SLC44A5: variants seen among roughly 807,000 people sequenced by gnomAD.
SLC44A5 encodes choline transporter-like protein 5.
A neutral mutation model predicts 101.8 loss-of-function variants in SLC44A5; 57 were observed. The ratio of observed to expected loss-of-function variants is 0.56; its 90% CI spans 0.45 to 0.70. The LOEUF (loss-of-function observed/expected upper bound fraction) is 0.70, where lower values mean the gene tolerates loss of function less well. Among genes scored for constraint, SLC44A5 ranks in the 30% least tolerant of loss-of-function variants. The pLI is 0.00. For synonymous variants in SLC44A5, 281 were observed against 290.9 expected, an observed-to-expected ratio of 0.97 and a Z score of 0.35; for missense variants, 737 against 853.1, an observed-to-expected ratio of 0.86 and a Z score of 1.70.
chr1:75,280,151 ATATATTATATATT>A (rs1194097873), intron 5 of SLC44A5, among the ~76,000 whole-genome samples: 9 of 48 alleles, frequency 0.19, 3 homozygotes, highest in African/African-American at 0.57. Flanking sequence ...TATATATTGT[ATATATTATATATT>A]GTATATATAA....
chr1:75,286,741 T>G (rs1653084601), intron 5 of SLC44A5, among the ~76,000 whole-genome samples: 1 of 152,060 alleles, frequency 6.6e-6, no homozygotes, highest in African/African-American at 2.4e-5. Flanking sequence ...TGAAACTTGG[T>G]TTTGCTGGTT....
At chr1:75,462,799 A>G (rs1936355) in intron 2 of SLC44A5, among the ~76,000 whole-genome samples, 1 of 151,814 alleles carries the variant, frequency 6.6e-6, no homozygotes, top group Non-Finnish European at 1.5e-5. Context: ...AGAAGAATGA[A>G]TTAGTGAGCT....
At chr1:75,354,584 G>C (rs1658932383) in intron 3 of SLC44A5, among the ~76,000 whole-genome samples, 1 of 152,152 alleles carries the variant, frequency 6.6e-6, no homozygotes, top group Admixed American at 6.5e-5. Flanking sequence ...CACTCACGAT[G>C]GCCCCCTGGT....
Position 75,356,344 on chromosome 1 carries a change from T to C in SLC44A5, c.53-16714A>G, listed in dbSNP as rs554467062. On this transcript the variant is annotated intron_variant, in intron 3 of 23. Transcript: ENST00000370859. The stretch of plus-strand genomic sequence containing the variant: ...GATGTGGAGGTGGAAGACAGTGATA[T>C]TGGTAATCCTGACCCTGTGTAGGCC... 1.2e-3 allele frequency among the ~76,000 whole-genome samples: 179 copies of C among 152,180 alleles called. 2 individuals carry two copies. The South Asian group carries it at 0.013, about 11-fold the overall frequency.
the SLC44A5 span, among the ~76,000 whole-genome samples, chr1:75,621,772 G>A: frequency 6.6e-6 from 1 of 152,062 alleles, no homozygotes; most frequent in Non-Finnish European, 1.5e-5. Flanking sequence ...CACCTCAGCT[G>A]AGGTTTTTAG....
intron 6 of SLC44A5, among the ~76,000 whole-genome samples, chr1:75,274,528 G>A (rs574534318): frequency 1.3e-5 from 2 of 152,222 alleles, no homozygotes; most frequent in Admixed American, 1.3e-4. Flanking sequence ...GACCTTCTGG[G>A]TGTGCCCCTT....
intron 4 of SLC44A5, among the ~76,000 whole-genome samples, chr1:75,303,602 T>C (rs564655605): frequency 2.0e-5 from 3 of 152,272 alleles, no homozygotes; most frequent in African/African-American, 7.2e-5. Flanking sequence ...TCAGTTGGTG[T>C]TTTGGTTCTA....
intron 2 of SLC44A5, among the ~76,000 whole-genome samples, chr1:75,464,198 G>T (rs560728655): frequency 6.9e-6 from 1 of 145,658 alleles, no homozygotes; most frequent in Admixed American, 6.9e-5. Flanking sequence ...CTCCAGCCTG[G>T]GCGACAGAGT....
chr1:75,317,268 C>T (rs1051268216), intron 4 of SLC44A5, among the ~76,000 whole-genome samples: 7 of 152,166 alleles, frequency 4.6e-5, no homozygotes, highest in Non-Finnish European at 2.9e-5. Context: ...GGGCCACAGC[C>T]GGACTTAGAC....
chr1:75,402,915 A>C (rs1002925942), intron 2 of SLC44A5, among the ~76,000 whole-genome samples: 4 of 152,146 alleles, frequency 2.6e-5, no homozygotes, highest in Non-Finnish European at 4.4e-5. Context: ...GATCCCACAC[A>C]CATTAAGACC....
chr1:75,699,111 T>G, the SLC44A5 span, among the ~76,000 whole-genome samples: 1 of 152,056 alleles, frequency 6.6e-6, no homozygotes, highest in Non-Finnish European at 1.5e-5. Flanking sequence ...TTCCCCAATC[T>G]AGCAAGGCAG....
chr1:75,495,950 A>G (rs1430661300), intron 2 of SLC44A5, among the ~76,000 whole-genome samples: 1 of 152,176 alleles, frequency 6.6e-6, no homozygotes, highest in African/African-American at 2.4e-5. Flanking sequence ...TGCTACAAAC[A>G]ATCAAATTAC....
the SLC44A5 span, among the ~76,000 whole-genome samples, chr1:75,653,336 G>A: frequency 1.3e-5 from 2 of 152,110 alleles, no homozygotes; most frequent in African/African-American, 2.4e-5. Context: ...ACAAAAATTA[G>A]CTGGGTATGG....
At chr1:75,685,496 A>G in the SLC44A5 span, among the ~76,000 whole-genome samples, 1 of 152,308 alleles carries the variant, frequency 6.6e-6, no homozygotes, top group East Asian at 1.9e-4. Context: ...ATAAAACTGA[A>G]TGGTATTAAG....
the SLC44A5 span, among the ~76,000 whole-genome samples, chr1:75,680,901 T>C: frequency 1.3e-5 from 2 of 150,374 alleles, no homozygotes; most frequent in Non-Finnish European, 3.0e-5. Context: ...AAGAATCAAA[T>C]AGACGCAATA....
At chr1:75,501,636 G>T (rs1273443159) in intron 2 of SLC44A5, among the ~76,000 whole-genome samples, 2 of 152,140 alleles carry the variant, frequency 1.3e-5, no homozygotes, top group Non-Finnish European at 2.9e-5. Flanking sequence ...TTGCAGTCAT[G>T]AATTTCATGG....
chr1:75,588,073 C>T (rs1674122153), intron 1 of SLC44A5, among the ~76,000 whole-genome samples: 2 of 152,126 alleles, frequency 1.3e-5, no homozygotes, highest in South Asian at 4.2e-4. Context: ...GAAACAGAGG[C>T]TGTCCTGGAG....
At chr1:75,699,162 G>T in the SLC44A5 span, among the ~76,000 whole-genome samples, 1 of 152,006 alleles carries the variant, frequency 6.6e-6, no homozygotes, top group Non-Finnish European at 1.5e-5. Context: ...ACACCACAAA[G>T]ATACTCCTCG....
At chr1:75,298,687 T>C (rs1204009193) in intron 5 of SLC44A5, among the ~76,000 whole-genome samples, 1 of 151,806 alleles carries the variant, frequency 6.6e-6, no homozygotes, top group Non-Finnish European at 1.5e-5. Flanking sequence ...GGTCACAGGA[T>C]GAGATCTTTG....
Sources: allele counts gnomAD v4.1 joint callset (sites outside exome capture counted in the v4.1 genomes callset), GRCh38; gene constraint gnomAD v4.1.1; transcripts MANE v1.5; gene names NCBI Gene and HGNC (gene_info 2026-07-23, HGNC 2026-07-21).